Variants in NF1 observed in about 807,000 individuals in gnomAD.
The protein encoded by NF1 is neurofibromin.
In NF1, 122 loss-of-function variants were observed where a neutral mutation model predicts 325.7. The observed-to-expected ratio is 0.37, with a 90% confidence interval of 0.32 to 0.44. The LOEUF (loss-of-function observed/expected upper bound fraction) is 0.44. Ranked by LOEUF, NF1 falls within the 20% of genes least tolerant of loss-of-function variation. The pLI is 1.00. For synonymous variants in NF1, 1,091 were observed against 1,186.0 expected (o/e 0.92, Z 1.65); for missense variants, 2,140 against 3,415.4 (o/e 0.63, Z 9.31).
intron 54 of NF1, 158 bp downstream of exon 54, chr17:31,357,527 T>C: frequency 1.5e-6 from 1 of 677,892 alleles, no homozygotes; most frequent in African/African-American, 1.8e-5. Context: ...AAGATTAGTT[T>C]TGACCTACTA....
chr17:31,337,750 A>G, intron 43 of NF1, 69 bp from the exon 44 acceptor site: 1 of 1,532,828 alleles, frequency 6.5e-7, no homozygotes, highest in Non-Finnish European at 9.0e-7. Context: ...TGACATCATA[A>G]TAAACATTAT....
At chr17:31,318,067 C>T (rs1012214831) in intron 36 of NF1, 30 of 458,054 alleles carry the variant, frequency 6.5e-5, no homozygotes, top group African/African-American at 5.7e-4. Context: ...TAAAATTTTC[C>T]TCAAATGCTT....
rs755190083 is a variant in NF1, at chr17:31,206,286, C to G, written c.1307C>G (p.Ser436Trp). The change falls in exon 12 of 58, where the codon TCG (serine) becomes TGG (tryptophan). Residue 436 changes from serine to tryptophan, a missense_variant. This residue lies in a region of NF1 where 179 missense variants were observed against 381.0 expected (regional missense o/e 0.47). Transcript: ENST00000358273. ...AAGATTGATGCTGTGTATTGTCACTCGGTTGAACTTCGAAATATGTTTGGT... is the reference window on the plus strand; with the variant it reads ...AAGATTGATGCTGTGTATTGTCACTGGGTTGAACTTCGAAATATGTTTGGT... The part of the protein sequence containing the change: ...WPKIDAVYCH[S>W]VELRNMFGET... The G allele has an allele frequency of 6.2e-7, 1 of 1,613,810 alleles. No homozygotes were observed. Among genetic ancestry groups the G allele is most frequent in the Non-Finnish European group, 8.5e-7 (1 of 1,179,756 alleles).
chr17:31,200,342 T>C, intron 8 of NF1, 80 bp from the exon 9 acceptor site: 1 of 1,358,856 alleles, frequency 7.4e-7, no homozygotes, highest in South Asian at 1.2e-5. Context: ...TTAGAGGCTG[T>C]TAATTTGCTA....
At chr17:31,118,410 T>C (rs953713743) in intron 1 of NF1, among the ~76,000 whole-genome samples, 1 of 152,122 alleles carries the variant, frequency 6.6e-6, no homozygotes, top group African/African-American at 2.4e-5. Context: ...TCGTCTACCT[T>C]AGGTATTTCT....
intron 21 of NF1, 54 bp from the exon 22 acceptor site, chr17:31,229,781 G>A (rs2067081068): frequency 6.2e-7 from 1 of 1,604,300 alleles, no homozygotes; most frequent in South Asian, 1.1e-5. Context: ...TCTCTAGGGG[G>A]TCTGTCTTCT....
intron 11 of NF1, 36 bp downstream of exon 11, chr17:31,201,521 AT>A (rs1361576928): frequency 2.7e-6 from 4 of 1,506,218 alleles, no homozygotes; most frequent in African/African-American, 1.4e-5. Flanking sequence ...TACTAAAAAA[AT>A]TTTTTTCTTT....
Position 31,225,223 on chromosome 17 carries a change from C to T in NF1, c.1974C>T (p.Leu658=), listed in dbSNP as rs751318331. 17 of 1,613,614 alleles carry T rather than the reference C, an allele frequency of 1.1e-5. No homozygotes were observed. The highest frequency in any genetic ancestry group is 1.1e-5 in the Non-Finnish European group (13 of 1,179,766). Reference sequence around the variant, plus strand: ...TACTACGTACTCCTGGAGCCTCTCTCCGGAAGGGAAAAGGGAACTCCTCTA... The same window carrying T: ...TACTACGTACTCCTGGAGCCTCTCTTCGGAAGGGAAAAGGGAACTCCTCTA... ...EELLRTPGAS[L]RKGKGNSSMD... The change falls in exon 17 of 58, where the codon CTC becomes CTT. Residue 658 remains leucine (L), a synonymous_variant. Coordinates refer to ENST00000358273, the MANE Select transcript of NF1 (RefSeq NM_001042492.3).
chr17:31,248,613 C>T (rs922180752), intron 29 of NF1, among the ~76,000 whole-genome samples: 7 of 152,094 alleles, frequency 4.6e-5, no homozygotes, highest in African/African-American at 9.7e-5. Flanking sequence ...TGGCTCACTG[C>T]AGCCTCCACC....
intron 1 of NF1, among the ~76,000 whole-genome samples, chr17:31,109,738 T>A (rs1913239994): frequency 6.6e-6 from 1 of 152,250 alleles, no homozygotes; most frequent in Non-Finnish European, 1.5e-5. Context: ...TGAATAGTTC[T>A]GCTTTTAATG....
At chr17:31,340,735 A>C (rs1208115502) in intron 47 of NF1, 90 bp downstream of exon 47, 7 of 1,347,042 alleles carry the variant, frequency 5.2e-6, no homozygotes, top group Non-Finnish European at 7.3e-6. Context: ...AATCACAAGA[A>C]GTCCATAACT....
intron 36 of NF1, among the ~76,000 whole-genome samples, chr17:31,282,374 T>A (rs1481768049): frequency 7.8e-6 from 1 of 128,496 alleles, no homozygotes; most frequent in East Asian, 2.2e-4. Flanking sequence ...AGAGCGAGAT[T>A]CCATCTCAAA....
At position 31,269,050 on chromosome 17, in the gene NF1, T is replaced by TA. The variant is rs146880897; in HGVS notation, c.4835+3712dup. Reference sequence around the variant, plus strand: ...GACCTTAATGGTCTAATATTACTATTACGTACCTTGGCAATGTCTTTCGAA... The same window carrying TA: ...GACCTTAATGGTCTAATATTACTATTAACGTACCTTGGCAATGTCTTTCGAA... On this transcript the variant is annotated intron_variant, in intron 36 of 57. Coordinates refer to ENST00000358273, the MANE Select transcript of NF1 (RefSeq NM_001042492.3). Among the ~76,000 whole-genome samples, 142 of 152,120 alleles carry TA rather than the reference T, an allele frequency of 9.3e-4. 2 individuals carry two copies. The East Asian group carries it at 0.013, about 13-fold the overall frequency.
At chr17:31,327,421 G>A (rs1236967916) in intron 37 of NF1, 78 bp from the exon 38 acceptor site, 1 of 1,061,632 alleles carries the variant, frequency 9.4e-7, no homozygotes, top group Admixed American at 1.9e-5. Flanking sequence ...TTGGTTGGTT[G>A]GTTTCTGGAG....
At chr17:31,155,902 G>T in intron 1 of NF1, 81 bp from the exon 2 acceptor site, 1 of 1,516,936 alleles carries the variant, frequency 6.6e-7, no homozygotes, top group South Asian at 1.2e-5. Context: ...AAAACGTCAT[G>T]ATTTTCAATG....
Position 31,376,624 on chromosome 17 carries a change from C to CGAAG in NF1, c.*2469_*2470insGAAG, listed in dbSNP as rs2070735016. The stretch of plus-strand genomic sequence containing the variant: ...AGAAATGCAACACTTTTTTAGTCTT[C>CGAAG]ATACTTGTAATCTATAAAAGAAATT... On this transcript the variant is annotated 3_prime_UTR_variant, in exon 58 of 58. Coordinates refer to ENST00000358273, the MANE Select transcript of NF1 (RefSeq NM_001042492.3). 4.3e-6 allele frequency: 1 copy of CGAAG among 233,076 alleles called. No homozygotes were observed. Among genetic ancestry groups the CGAAG allele is most frequent in the African/African-American group, 2.2e-5 (1 of 45,448 alleles). 14.4% of individuals were successfully genotyped at this position (233,076 alleles called of 1,614,324 possible). A position where few individuals can be genotyped will look rare whatever the true frequency, so the allele number is the denominator to read the frequency against.
rs921362220 is a variant in NF1, at chr17:31,254,713, A to C, written c.4173+1713A>C. 9.2e-5 allele frequency among the ~76,000 whole-genome samples: 14 copies of C among 152,140 alleles called. No individual in the cohort carries two copies. The South Asian group carries it at 2.5e-3, about 27-fold the overall frequency. On this transcript the variant is annotated intron_variant, in intron 31 of 57. Coordinates refer to ENST00000358273, the MANE Select transcript of NF1 (RefSeq NM_001042492.3). ...TTTATTTATTAAGATTATGTCTAAA[A>C]TTGTTTCTTGAAATGTTTTTTTTTC...
In NF1 at chr17:31,128,930, A is replaced by AG. The variant is rs1416947168; in HGVS notation, c.61-27053_61-27052insG. 4.6e-5 allele frequency among the ~76,000 whole-genome samples: 7 copies of AG among 151,876 alleles called. No individual in the cohort carries two copies. In the East Asian group the frequency reaches 1.2e-3, roughly 25 times the overall value. ...GACAAGAGTGAGACTCCGTCTCAAA[A>AG]AAAAAAAAAGGAATGTTGAATATAG... is the stretch of plus-strand genomic sequence containing the variant. On this transcript the variant is annotated intron_variant, in intron 1 of 57. Coordinates refer to ENST00000358273, the MANE Select transcript of NF1 (RefSeq NM_001042492.3).
chr17:31,150,721 A>C (rs1916871294), intron 1 of NF1, among the ~76,000 whole-genome samples: 1 of 152,128 alleles, frequency 6.6e-6, no homozygotes, highest in Non-Finnish European at 1.5e-5. Context: ...CACCATTCTC[A>C]GTTCTTTTAG....
Sources: gnomAD v4.1 joint callset for allele counts (sites outside exome capture counted in the v4.1 genomes callset) on GRCh38, gnomAD v4.1.1 for gene constraint, gnomAD v4.1.1 regional missense constraint, MANE v1.5 for transcripts, NCBI Gene and HGNC (gene_info 2026-07-23, HGNC 2026-07-21) for gene names.